PTPRT: variants seen among roughly 807,000 people sequenced by gnomAD.
The protein encoded by PTPRT is protein tyrosine phosphatase receptor type T.
A neutral mutation model predicts 176.8 loss-of-function variants in PTPRT; 56 were observed. The ratio of observed to expected loss-of-function variants is 0.32; its 90% CI spans 0.26 to 0.40. PTPRT has a LOEUF of 0.40. Ranked by LOEUF, PTPRT falls within the 10% of genes least tolerant of loss-of-function variation. The pLI is 1.00. For synonymous variants in PTPRT, 783 were observed against 739.0 expected, an observed-to-expected ratio of 1.06 and a Z score of -0.96; for missense variants, 1,540 against 1,908.2, an observed-to-expected ratio of 0.81 and a Z score of 3.60.
intron 7 of PTPRT, among the ~76,000 whole-genome samples, chr20:42,586,185 A>C (rs769012591): frequency 6.6e-6 from 1 of 152,204 alleles, no homozygotes; most frequent in Non-Finnish European, 1.5e-5. Context: ...CTGTCAAATA[A>C]AAACATAAGC....
chr20:42,172,925 G>A (rs1381452531), intron 16 of PTPRT, among the ~76,000 whole-genome samples: 1 of 152,134 alleles, frequency 6.6e-6, no homozygotes, highest in Non-Finnish European at 1.5e-5. Context: ...GTCTCTCAGT[G>A]AAATGCCAAA....
At chr20:42,846,655 C>T (rs527457500) in intron 2 of PTPRT, among the ~76,000 whole-genome samples, 13 of 152,306 alleles carry the variant, frequency 8.5e-5, no homozygotes, top group Admixed American at 7.2e-4. Flanking sequence ...GTTGCAAGCC[C>T]AGCTGTCTGG....
rs1568774289 is a variant in PTPRT at position 43,083,360 on chromosome 20, AT to A, written c.88+106285del. Among the ~76,000 whole-genome samples, 268 of 127,370 alleles carry A rather than the reference AT, an allele frequency of 2.1e-3. 10 individuals carry two copies. Among genetic ancestry groups the A allele is most frequent in the African/African-American group, 8.0e-3 (246 of 30,678 alleles). The allele number at this position is 127,370 out of a possible 152,430, so 83.6% of individuals were successfully genotyped here. A position where few individuals can be genotyped will look rare whatever the true frequency, so the allele number is the denominator to read the frequency against. ...TATATATATATATATATATATATAT[AT>A]ATATATATACATTTTTTGAGACAGA... On this transcript the variant is annotated intron_variant, in intron 1 of 30. Transcript: ENST00000373187.
intron 3 of PTPRT, among the ~76,000 whole-genome samples, chr20:42,782,137 T>C (rs1485682627): frequency 6.6e-6 from 1 of 152,230 alleles, no homozygotes; most frequent in African/African-American, 2.4e-5. Context: ...TTCTGGGTCT[T>C]TTTTCTATTT....
chr20:42,189,292 T>G (rs972648638), intron 16 of PTPRT, among the ~76,000 whole-genome samples: 2 of 152,318 alleles, frequency 1.3e-5, no homozygotes, highest in African/African-American at 4.8e-5. Flanking sequence ...TACATCGTAT[T>G]TTCCAAATCA....
chr20:43,150,792 G>C (rs750374581), intron 1 of PTPRT, among the ~76,000 whole-genome samples: 1 of 152,000 alleles, frequency 6.6e-6, no homozygotes, highest in Non-Finnish European at 1.5e-5. Flanking sequence ...AGCTCACTCC[G>C]CACTGGGGAG....
chr20:43,011,784 G>T (rs1283890871), intron 1 of PTPRT, among the ~76,000 whole-genome samples: 1 of 152,184 alleles, frequency 6.6e-6, no homozygotes, highest in Non-Finnish European at 1.5e-5. Context: ...TAAGTCAGTG[G>T]ACTGGGAGAG....
intron 1 of PTPRT, among the ~76,000 whole-genome samples, chr20:43,054,947 TAA>T (rs1340713056): frequency 6.6e-6 from 1 of 152,140 alleles, no homozygotes; most frequent in Non-Finnish European, 1.5e-5. Context: ...TTTTCAAAGA[TAA>T]AAATGCAAAG....
intron 4 of PTPRT, among the ~76,000 whole-genome samples, chr20:42,773,999 C>T (rs775616383): frequency 6.6e-6 from 1 of 152,228 alleles, no homozygotes; most frequent in Admixed American, 6.5e-5. Context: ...CAGCAACAGA[C>T]CTTTTGCCTT....
chr20:42,782,678 C>T (rs1012815148), intron 3 of PTPRT, among the ~76,000 whole-genome samples: 1 of 152,138 alleles, frequency 6.6e-6, no homozygotes, highest in African/African-American at 2.4e-5. Context: ...ATAAGATAAA[C>T]ACCTAAAACA....
chr20:42,350,609 A>C lies in PTPRT; in HGVS notation c.1865+19T>G. The C allele has an allele frequency of 1.3e-6, 2 of 1,562,112 alleles. No individual in the cohort carries two copies. Among genetic ancestry groups the C allele is most frequent in the Non-Finnish European group, 1.8e-6 (2 of 1,132,760 alleles). The stretch of plus-strand genomic sequence containing the variant: ...CAGAGAAGAAAAACTGCAGACTCCA[A>C]GTGAAGAACCATCCTCACCTGACAG... On this transcript the variant is annotated intron_variant, in intron 11 of 30. Coordinates refer to ENST00000373187, the MANE Select transcript of PTPRT (RefSeq NM_007050.6).
chr20:43,178,078 G>C (rs1040638517), intron 1 of PTPRT, among the ~76,000 whole-genome samples: 1 of 152,190 alleles, frequency 6.6e-6, no homozygotes, highest in Non-Finnish European at 1.5e-5. Context: ...GGATTTGGTT[G>C]GGTGTTTGCG....
At chr20:42,037,014 C>A in the PTPRT span, among the ~76,000 whole-genome samples, 180 of 152,222 alleles carry the variant, frequency 1.2e-3, 2 homozygotes, top group African/African-American at 4.2e-3. Context: ...CTGAAGCAAC[C>A]CTCCCTCAGA....
intron 13 of PTPRT, among the ~76,000 whole-genome samples, chr20:42,252,485 G>C (rs948925387): frequency 6.6e-6 from 1 of 152,190 alleles, no homozygotes; most frequent in Non-Finnish European, 1.5e-5. Flanking sequence ...AGGGAGATAA[G>C]CCTGAATGGG....
At chr20:42,285,444 G>A (rs1184640047) in intron 12 of PTPRT, among the ~76,000 whole-genome samples, 1 of 152,022 alleles carries the variant, frequency 6.6e-6, no homozygotes, top group Non-Finnish European at 1.5e-5. Flanking sequence ...TAATACTGCT[G>A]AGAGTAATTT....
intron 12 of PTPRT, among the ~76,000 whole-genome samples, chr20:42,298,477 C>T (rs1210116054): frequency 6.6e-6 from 1 of 152,186 alleles, no homozygotes; most frequent in Non-Finnish European, 1.5e-5. Context: ...TCCTACAATT[C>T]CTCTTCTAGG....
At chr20:43,118,776 T>C (rs2013150365) in intron 1 of PTPRT, among the ~76,000 whole-genome samples, 1 of 152,210 alleles carries the variant, frequency 6.6e-6, no homozygotes, top group Non-Finnish European at 1.5e-5. Context: ...CTAAGGTTTC[T>C]GAACTTAGTG....
chr20:42,644,515 T>C (rs1297252943), intron 7 of PTPRT, among the ~76,000 whole-genome samples: 2 of 152,152 alleles, frequency 1.3e-5, no homozygotes, highest in Admixed American at 6.5e-5. Flanking sequence ...GTTAGGCTCT[T>C]ACCTGTGCAT....
intron 26 of PTPRT, among the ~76,000 whole-genome samples, chr20:42,098,841 C>T (rs1402844649): frequency 2.6e-5 from 4 of 152,240 alleles, no homozygotes; most frequent in Non-Finnish European, 5.9e-5. Context: ...AATTACAATA[C>T]GAAATGAAAG....
Sources: allele counts gnomAD v4.1 joint callset (sites outside exome capture counted in the v4.1 genomes callset), GRCh38; gene constraint gnomAD v4.1.1; transcripts MANE v1.5; gene names NCBI Gene and HGNC (gene_info 2026-07-23, HGNC 2026-07-21).